Variants in CELF4 observed in about 807,000 individuals in gnomAD.
The protein encoded by CELF4 is CUG-BP- and ETR-3-like factor 4.
A neutral mutation model predicts 59.9 loss-of-function variants in CELF4; 18 were observed. That is an observed-to-expected ratio of 0.30 (90% confidence interval 0.21 to 0.45). The LOEUF (loss-of-function observed/expected upper bound fraction) is 0.45, where lower values mean the gene tolerates loss of function less well. CELF4 is among the 20% of genes least tolerant of loss of function. The pLI is 1.00. For missense variants in CELF4, 456 were observed against 689.0 expected, an observed-to-expected ratio of 0.66 and a Z score of 3.79; for synonymous variants, 261 against 267.1, an observed-to-expected ratio of 0.98 and a Z score of 0.22.
chr18:37,353,946 G>A (rs980916970), intron 2 of CELF4, among the ~76,000 whole-genome samples: 2 of 151,770 alleles, frequency 1.3e-5, no homozygotes, highest in Non-Finnish European at 2.9e-5. Flanking sequence ...TAGTAGAGAC[G>A]GTGTTTCACC....
intron 3 of CELF4, among the ~76,000 whole-genome samples, chr18:37,306,624 T>C (rs2096417318): frequency 6.6e-6 from 1 of 152,236 alleles, no homozygotes; most frequent in African/African-American, 2.4e-5. Flanking sequence ...TGCTCTGTGC[T>C]GCCCCTGCCT....
At chr18:37,546,208 G>A (rs528789460) in intron 1 of CELF4, among the ~76,000 whole-genome samples, 4 of 152,070 alleles carry the variant, frequency 2.6e-5, no homozygotes, top group Non-Finnish European at 5.9e-5. Context: ...TGGCCCACCC[G>A]AGCCCGTCGC....
chr18:37,334,365 G>A (rs1356160100), intron 2 of CELF4, among the ~76,000 whole-genome samples: 1 of 152,130 alleles, frequency 6.6e-6, no homozygotes, highest in African/African-American at 2.4e-5. Context: ...CTGGGTTTCT[G>A]GGCCTGTCAC....
In CELF4 at chr18:37,469,109, T is replaced by A. The variant is rs79734013; in HGVS notation, c.369+16416A>T. 4.5e-3 allele frequency among the ~76,000 whole-genome samples: 687 copies of A among 152,090 alleles called. 7 individuals carry two copies. The highest frequency in any genetic ancestry group is 0.016 in the African/African-American group (651 of 41,464). On this transcript the variant is annotated intron_variant, in intron 2 of 12. Transcript: ENST00000420428. ...ATCACTTTCCTTCTTTAGAGGGAGGTACCTGTTAACTGCAAGACTGTGTCA... is the reference window on the plus strand; with the variant it reads ...ATCACTTTCCTTCTTTAGAGGGAGGAACCTGTTAACTGCAAGACTGTGTCA...
At chr18:37,375,497 T>A (rs923282687) in intron 2 of CELF4, among the ~76,000 whole-genome samples, 12 of 152,266 alleles carry the variant, frequency 7.9e-5, no homozygotes, top group Middle Eastern at 6.8e-3. Context: ...AGTCAGCTTT[T>A]CCTGACCTCC....
At chr18:37,439,744 G>A (rs918783449) in intron 2 of CELF4, among the ~76,000 whole-genome samples, 1 of 152,208 alleles carries the variant, frequency 6.6e-6, no homozygotes, top group Non-Finnish European at 1.5e-5. Context: ...GGTGTGGGAG[G>A]CAGGGCTCAG....
chr18:37,441,312 C>CGTGT (rs1242716656), intron 2 of CELF4, among the ~76,000 whole-genome samples: 6 of 124,134 alleles, frequency 4.8e-5, no homozygotes, highest in Non-Finnish European at 8.6e-5. Flanking sequence ...TGTGTGTGTA[C>CGTGT]ACACACGGGG....
intron 12 of CELF4, among the ~76,000 whole-genome samples, chr18:37,248,346 G>T (rs2063331832): frequency 6.6e-6 from 1 of 152,174 alleles, no homozygotes; most frequent in South Asian, 2.1e-4. Context: ...CAAGTGGCCT[G>T]TGTAACCAAA....
intron 2 of CELF4, among the ~76,000 whole-genome samples, chr18:37,347,689 G>A (rs1336705225): frequency 6.6e-6 from 1 of 152,144 alleles, no homozygotes; most frequent in Non-Finnish European, 1.5e-5. Flanking sequence ...ACCCTGGCAG[G>A]AGGAGCCAAG....
intron 2 of CELF4, among the ~76,000 whole-genome samples, chr18:37,398,529 G>A (rs1306214538): frequency 6.6e-6 from 1 of 152,144 alleles, no homozygotes; most frequent in Non-Finnish European, 1.5e-5. Flanking sequence ...TCCTGCTGTG[G>A]CCCAGGAGTG....
chr18:37,309,117 C>A (rs755663760), intron 3 of CELF4, among the ~76,000 whole-genome samples: 3 of 152,154 alleles, frequency 2.0e-5, no homozygotes, highest in Non-Finnish European at 2.9e-5. Context: ...AAGAACCCAG[C>A]CTGAAGACTG....
intron 1 of CELF4, among the ~76,000 whole-genome samples, chr18:37,508,026 G>A (rs9962418): frequency 0.21 from 31,446 of 152,044 alleles, 3,787 homozygotes; most frequent in African/African-American, 0.33. Context: ...TCCAGACCTC[G>A]CCATCACTCG....
intron 3 of CELF4, among the ~76,000 whole-genome samples, chr18:37,292,492 A>T (rs1367512499): frequency 2.0e-5 from 3 of 152,160 alleles, no homozygotes; most frequent in Non-Finnish European, 4.4e-5. Context: ...CTGTGGGTGG[A>T]GGGGGTGTCC....
intron 2 of CELF4, among the ~76,000 whole-genome samples, chr18:37,458,939 A>G (rs2099786075): frequency 6.6e-6 from 1 of 152,194 alleles, no homozygotes; most frequent in Non-Finnish European, 1.5e-5. Flanking sequence ...CTAAGCTTGC[A>G]GGCTGAGCTC....
chr18:37,380,318 C>T, intron 2 of CELF4, among the ~76,000 whole-genome samples: 1 of 152,176 alleles, frequency 6.6e-6, no homozygotes, highest in African/African-American at 2.4e-5. Context: ...GCTGAGTCTT[C>T]TCTCCTATGC....
chr18:37,403,199 T>C (rs560482970), intron 2 of CELF4, among the ~76,000 whole-genome samples: 54 of 152,176 alleles, frequency 3.5e-4, no homozygotes, highest in African/African-American at 1.2e-3. Context: ...GCAGTCCTCA[T>C]TGGACTAAAC....
At chr18:37,557,997 C>CTT (rs34181233) in intron 1 of CELF4, among the ~76,000 whole-genome samples, 50,179 of 100,778 alleles carry the variant, frequency 0.5, 14,652 homozygotes, top group Non-Finnish European at 0.63. Context: ...ATCCCTTTTA[C>CTT]TTTTTTTTTT....
chr18:37,291,711 T>C (rs2154418055), intron 3 of CELF4, among the ~76,000 whole-genome samples: 1 of 152,296 alleles, frequency 6.6e-6, no homozygotes, highest in African/African-American at 2.4e-5. Flanking sequence ...CCTCTACTCA[T>C]CAACCTCCTC....
At chr18:37,283,248 G>C (rs903343730) in intron 3 of CELF4, among the ~76,000 whole-genome samples, 30 of 151,846 alleles carry the variant, frequency 2.0e-4, no homozygotes, top group Admixed American at 2.0e-3. Context: ...CAGGCATGAC[G>C]GTCACCTTCT....
Sources: gnomAD v4.1 joint callset for allele counts (sites outside exome capture counted in the v4.1 genomes callset) on GRCh38, gnomAD v4.1.1 for gene constraint, MANE v1.5 for transcripts, NCBI Gene and HGNC (gene_info 2026-07-23, HGNC 2026-07-21) for gene names.